Variants in DYNC1I1 observed in about 807,000 individuals in gnomAD.
DYNC1I1 encodes dynein cytoplasmic 1 intermediate chain 1.
In DYNC1I1, 43 loss-of-function variants were observed where a neutral mutation model predicts 86.6. The ratio of observed to expected loss-of-function variants is 0.50; its 90% CI spans 0.39 to 0.64. DYNC1I1 has a LOEUF of 0.64. Ranked by LOEUF, DYNC1I1 falls within the 30% of genes least tolerant of loss-of-function variation. DYNC1I1 has a pLI of 0.00. For synonymous variants in DYNC1I1, 262 were observed against 283.7 expected, an observed-to-expected ratio of 0.92 and a Z score of 0.77; for missense variants, 604 against 788.8, an observed-to-expected ratio of 0.77 and a Z score of 2.81.
intron 16 of DYNC1I1, among the ~76,000 whole-genome samples, chr7:96,093,081 C>A (rs1011158295): frequency 5.9e-5 from 9 of 152,062 alleles, no homozygotes; most frequent in African/African-American, 2.2e-4. Context: ...AGAATTAATT[C>A]CCAAGGAAAT....
chr7:95,800,951 A>T (rs1794563024), intron 1 of DYNC1I1, among the ~76,000 whole-genome samples: 1 of 152,250 alleles, frequency 6.6e-6, no homozygotes. Context: ...CAAGCCCCCC[A>T]GGAAATCCTA....
intron 6 of DYNC1I1, among the ~76,000 whole-genome samples, chr7:95,931,053 T>C (rs1791881477): frequency 6.6e-6 from 1 of 152,242 alleles, no homozygotes; most frequent in African/African-American, 2.4e-5. Context: ...AGAGTATTGC[T>C]GCATTAAATG....
intron 6 of DYNC1I1, among the ~76,000 whole-genome samples, chr7:95,935,178 C>G (rs952269606): frequency 2.7e-4 from 41 of 151,942 alleles, no homozygotes; most frequent in Admixed American, 2.7e-3. Context: ...CTCTTTGATT[C>G]TATGAATTTA....
chr7:95,863,093 T>C (rs952458070), intron 5 of DYNC1I1, among the ~76,000 whole-genome samples: 2 of 152,166 alleles, frequency 1.3e-5, no homozygotes, highest in African/African-American at 4.8e-5. Context: ...GCATTATTCA[T>C]AATAACCCAA....
At chr7:95,955,817 C>T (rs1792696539) in intron 6 of DYNC1I1, among the ~76,000 whole-genome samples, 1 of 152,170 alleles carries the variant, frequency 6.6e-6, no homozygotes, top group Non-Finnish European at 1.5e-5. Flanking sequence ...TTTTCTCATT[C>T]ACTCTTAATG....
intron 6 of DYNC1I1, among the ~76,000 whole-genome samples, chr7:95,911,581 A>G (rs74513497): frequency 6.6e-6 from 1 of 152,200 alleles, no homozygotes; most frequent in Admixed American, 6.5e-5. Flanking sequence ...TACATTTAGG[A>G]AATAGTTGAA....
chr7:96,092,729 C>G (rs1790883741), intron 16 of DYNC1I1, among the ~76,000 whole-genome samples: 1 of 152,094 alleles, frequency 6.6e-6, no homozygotes, highest in Admixed American at 6.6e-5. Flanking sequence ...AGTGGGGTAG[C>G]CTGGGTGGTG....
chr7:95,884,634 T>A (rs760121530), intron 6 of DYNC1I1, among the ~76,000 whole-genome samples: 3 of 151,826 alleles, frequency 2.0e-5, no homozygotes, highest in African/African-American at 4.8e-5. Context: ...GTTAAAAGGA[T>A]AATAGAGACA....
intron 14 of DYNC1I1, among the ~76,000 whole-genome samples, chr7:96,068,175 C>G (rs537798123): frequency 3.3e-5 from 5 of 152,312 alleles, no homozygotes; most frequent in African/African-American, 1.2e-4. Flanking sequence ...CCTCACCTCA[C>G]ATTTAGAGCA....
chr7:96,109,954 CT>C lies in DYNC1I1; in HGVS notation c.1543-17del, dbSNP rs200648954. Reference sequence around the variant, plus strand: ...ATATATGTACTGATTTTCTGCCTACCTTTTTTTTCTTTTTGTGGACACAGGG... The same window carrying C: ...ATATATGTACTGATTTTCTGCCTACCTTTTTTTCTTTTTGTGGACACAGGG... On this transcript the variant is annotated intron_variant, in intron 16 of 16. Coordinates refer to the DYNC1I1 transcript ENST00000537881. The C allele has an allele frequency of 2.7e-3, 774 of 285,926 alleles. 7 individuals carry two copies. Among genetic ancestry groups the C allele is most frequent in the African/African-American group, 0.016 (705 of 43,366 alleles). The allele number at this position is 285,926 out of a possible 1,614,324, so 17.7% of individuals were successfully genotyped here.
chr7:96,100,715 T>C (rs1276272113), downstream of DYNC1I1, among the ~76,000 whole-genome samples: 1 of 146,040 alleles, frequency 6.8e-6, no homozygotes, highest in Non-Finnish European at 1.5e-5. Flanking sequence ...GACTTTATAC[T>C]CTGGCAAGGA....
intron 14 of DYNC1I1, among the ~76,000 whole-genome samples, chr7:96,068,801 A>G (rs1386888501): frequency 2.6e-5 from 4 of 151,226 alleles, no homozygotes; most frequent in South Asian, 2.1e-4. Context: ...GTATATGTAC[A>G]TATGTATATT....
Position 95,977,510 on chromosome 7 carries a change from A to C in DYNC1I1, c.491-2A>C, listed in dbSNP as rs1290095864. 3.1e-6 allele frequency: 5 copies of C among 1,610,296 alleles called. No individual in the cohort carries two copies. The highest frequency in any genetic ancestry group is 4.2e-6 in the Non-Finnish European group (5 of 1,178,800). On this transcript the variant is annotated splice_acceptor_variant, in intron 6 of 16. Coordinates refer to ENST00000447467, the MANE Select transcript of DYNC1I1 (RefSeq NM_001135556.2). LOFTEE classifies it high-confidence loss of function. ...TTGTATTTTTCTCTTTCTTTTTTCT[A>C]GAGGATGAGGAAGATGAGGAAATGG...
At chr7:96,054,073 G>A (rs895733593) in intron 14 of DYNC1I1, among the ~76,000 whole-genome samples, 4 of 152,112 alleles carry the variant, frequency 2.6e-5, no homozygotes, top group African/African-American at 9.7e-5. Context: ...TGCCATGGTG[G>A]TTTGCTGCAC....
At chr7:96,092,401 T>C (rs1303395033) in intron 16 of DYNC1I1, among the ~76,000 whole-genome samples, 1 of 152,190 alleles carries the variant, frequency 6.6e-6, no homozygotes, top group Non-Finnish European at 1.5e-5. Context: ...ACAATTTGTT[T>C]CACACAAATG....
intron 4 of DYNC1I1, chr7:95,818,565 C>T (rs1795003000): frequency 3.0e-6 from 2 of 660,642 alleles, no homozygotes; most frequent in Non-Finnish European, 2.8e-6. Context: ...TCTCCTCCCT[C>T]TTCATCCCAA....
downstream of DYNC1I1, among the ~76,000 whole-genome samples, chr7:96,100,424 T>C (rs1452624931): frequency 2.0e-5 from 3 of 151,510 alleles, no homozygotes; most frequent in African/African-American, 7.3e-5. Flanking sequence ...CCTCTCTCCT[T>C]CTTGAGGCCT....
chr7:96,011,039 C>A (rs1212637606), intron 10 of DYNC1I1, among the ~76,000 whole-genome samples: 1 of 152,134 alleles, frequency 6.6e-6, no homozygotes, highest in African/African-American at 2.4e-5. Context: ...GCCTGATTGC[C>A]TCGGGAAAAG....
At chr7:95,796,909 T>C (rs1794451654) in intron 1 of DYNC1I1, among the ~76,000 whole-genome samples, 1 of 152,164 alleles carries the variant, frequency 6.6e-6, no homozygotes, top group Admixed American at 6.5e-5. Flanking sequence ...TTTGCAATGA[T>C]GATATTAAAG....
Sources: gnomAD v4.1 joint callset for allele counts (sites outside exome capture counted in the v4.1 genomes callset) on GRCh38, gnomAD v4.1.1 for gene constraint, MANE v1.5 for transcripts, NCBI Gene and HGNC (gene_info 2026-07-23, HGNC 2026-07-21) for gene names.